The following ADAM32 variants were observed in gnomAD, a reference collection of about 807,000 sequenced individuals.
ADAM32 encodes the protein ADAM metallopeptidase domain 32.
A neutral mutation model predicts 114.9 loss-of-function variants in ADAM32; 89 were observed. The observed-to-expected ratio is 0.77, with a 90% CI of 0.65 to 0.92. The LOEUF is 0.92. Among genes scored for constraint, ADAM32 ranks in the 40% least tolerant of loss-of-function variants. The pLI is 0.00. For synonymous variants in ADAM32, 285 were observed against 307.5 expected (o/e 0.93, Z 0.77); for missense variants, 870 against 932.8 (o/e 0.93, Z 0.88).
intron 20 of ADAM32, among the ~76,000 whole-genome samples, chr8:39,272,101 G>GAA (rs11366445): frequency 1.6e-3 from 107 of 65,762 alleles, no homozygotes; most frequent in Middle Eastern, 8.3e-3. Flanking sequence ...GTGAGCTCCA[G>GAA]AAAAAAAAAA....
At chr8:39,207,332 A>G (rs767679732) in intron 11 of ADAM32, among the ~76,000 whole-genome samples, 1 of 152,118 alleles carries the variant, frequency 6.6e-6, no homozygotes, top group African/African-American at 2.4e-5. Flanking sequence ...GCCCCCTCCT[A>G]TTCCTGATAT....
chr8:39,214,170 C>T lies in ADAM32; in HGVS notation c.1233+2846C>T, dbSNP rs182194304. 3.7e-3 allele frequency among the ~76,000 whole-genome samples: 560 copies of T among 152,142 alleles called. 9 individuals carry two copies. The highest frequency in any genetic ancestry group is 0.012 in the African/African-American group (510 of 41,530). ...CATGGGCATGCAGATATCTCTTCGA[C>T]GTAATGATTTCCATTCTTTTGGGTA... On this transcript the variant is annotated intron_variant, in intron 12 of 24. Coordinates refer to ENST00000379907, the MANE Select transcript of ADAM32 (RefSeq NM_145004.7).
chr8:39,278,390 A>G (rs918474297), intron 22 of ADAM32, among the ~76,000 whole-genome samples: 1 of 152,166 alleles, frequency 6.6e-6, no homozygotes, highest in Non-Finnish European at 1.5e-5. Flanking sequence ...CGCTTTTGCC[A>G]GAGACCCACC....
At chr8:39,143,299 T>C (rs1180912298) in intron 3 of ADAM32, among the ~76,000 whole-genome samples, 1 of 152,222 alleles carries the variant, frequency 6.6e-6, no homozygotes, top group Non-Finnish European at 1.5e-5. Context: ...TCTGTTTTTT[T>C]GGAATTTTCA....
chr8:39,221,709 T>A lies in ADAM32; in HGVS notation c.1326+7T>A. ...GTGCTGCAAAGACTGTCAAGTAAGATTTAAGCTTATGAACATCTTTCAAAT... is the reference window on the plus strand; with the variant it reads ...GTGCTGCAAAGACTGTCAAGTAAGAATTAAGCTTATGAACATCTTTCAAAT... On this transcript the variant is annotated splice_region_variant and intron_variant, in intron 13 of 24. Transcript: ENST00000379907. 1 of 1,598,516 alleles carries A rather than the reference T, an allele frequency of 6.3e-7. No individual in the cohort carries two copies. Among genetic ancestry groups the A allele is most frequent in the South Asian group, 1.1e-5 (1 of 89,762 alleles).
In ADAM32 at chr8:39,232,042, C is replaced by T. The variant is rs1289948477; in HGVS notation, c.1541C>T (p.Pro514Leu). 1 of 1,610,882 alleles carries T rather than the reference C, an allele frequency of 6.2e-7. No individual in the cohort carries two copies. Among genetic ancestry groups the T allele is most frequent in the African/African-American group, 1.3e-5 (1 of 74,876 alleles). ...SVFGKGSRNA[P>L]FACYEEIQSQ... ...ACTTTAACAGGTTCAAGAAATGCTCCATTTGCCTGCTATGAAGAAATACAA... is the reference window on the plus strand; with the variant it reads ...ACTTTAACAGGTTCAAGAAATGCTCTATTTGCCTGCTATGAAGAAATACAA... Residue 514 changes from proline to leucine, a missense_variant, in exon 15 of 25, where the codon CCA (proline) becomes CTA (leucine). Pro to Leu is a moderately conservative substitution (Grantham distance 98). Coordinates refer to ENST00000379907, the MANE Select transcript of ADAM32 (RefSeq NM_145004.7).
At chr8:39,190,077 G>A (rs1257029238) in intron 11 of ADAM32, among the ~76,000 whole-genome samples, 4 of 152,110 alleles carry the variant, frequency 2.6e-5, no homozygotes, top group Non-Finnish European at 4.4e-5. Context: ...CTTGGCCTCC[G>A]AAAGTGTCTA....
intron 18 of ADAM32, among the ~76,000 whole-genome samples, chr8:39,255,455 T>G (rs1811597640): frequency 6.6e-6 from 1 of 152,168 alleles, no homozygotes; most frequent in Non-Finnish European, 1.5e-5. Context: ...ATTGTGGTTT[T>G]GATTTACATT....
chr8:39,220,554 T>C (rs917767216), intron 12 of ADAM32, among the ~76,000 whole-genome samples: 1 of 152,048 alleles, frequency 6.6e-6, no homozygotes, highest in African/African-American at 2.4e-5. Flanking sequence ...GCATTTATTC[T>C]TATAAACTAC....
At chr8:39,168,372 G>A (rs2129446350) in intron 9 of ADAM32, 1 of 152,316 alleles carries the variant, frequency 6.6e-6, no homozygotes, top group African/African-American at 2.4e-5. Context: ...GGCTCCAGAT[G>A]TTCCAGTAGA....
intron 3 of ADAM32, among the ~76,000 whole-genome samples, chr8:39,140,579 A>G (rs901110262): frequency 6.6e-6 from 1 of 152,210 alleles, no homozygotes; most frequent in Non-Finnish European, 1.5e-5. Context: ...GGATTTTCGC[A>G]TCGATGTTCA....
At chr8:39,228,494 A>G (rs1809538917) in intron 14 of ADAM32, among the ~76,000 whole-genome samples, 1 of 152,182 alleles carries the variant, frequency 6.6e-6, no homozygotes, top group Non-Finnish European at 1.5e-5. Flanking sequence ...AAACATAAAA[A>G]ATTCTGGGAA....
chr8:39,226,237 T>C (rs1809360655), intron 14 of ADAM32, among the ~76,000 whole-genome samples: 1 of 151,986 alleles, frequency 6.6e-6, no homozygotes, highest in South Asian at 2.1e-4. Flanking sequence ...ACAAACACTA[T>C]GGGATTTTGA....
At chr8:39,272,476 T>G (rs1812795280) in intron 20 of ADAM32, among the ~76,000 whole-genome samples, 2 of 152,240 alleles carry the variant, frequency 1.3e-5, no homozygotes, top group South Asian at 4.1e-4. Flanking sequence ...GGTTATATCC[T>G]ATAACCTTAT....
rs373931512 is a variant in ADAM32 at position 39,169,933 on chromosome 8, G to A, written c.851G>A (p.Arg284His). Residue 284 changes from arginine to histidine, a missense_variant, in exon 10 of 25, where the codon CGT becomes CAT. By Grantham distance (29) the Arg-to-His change is conservative (BLOSUM62 0). Coordinates refer to ENST00000379907, the MANE Select transcript of ADAM32 (RefSeq NM_145004.7). ...TTATTTAGTTATATGGATTATCCTC[G>A]TTATTTGGGAGCAGTGTTTCCTGGA... ...AYLLIYMDYP[R>H]YLGAVFPGTM... 4.6e-5 allele frequency: 73 copies of A among 1,595,708 alleles called. No homozygotes were observed. The highest frequency in any genetic ancestry group is 4.3e-4 in the East Asian group (19 of 44,538).
Position 39,246,097 on chromosome 8 carries a change from T to C in ADAM32, c.1833T>C (p.Arg611=). ...QCDIGRVCVN[R]ECVESRIIKA... ...TTTTTCTTTAGGTTTGTGTAAATCG[T>C]GAATGTGTAGAATCAAGGATAATTA... The change falls in exon 17 of 25, where the codon CGT becomes CGC. Residue 611 remains arginine (R), a synonymous_variant. Transcript: ENST00000379907. 1 of 1,613,554 alleles carries C rather than the reference T, an allele frequency of 6.2e-7. No homozygotes were observed. The highest frequency in any genetic ancestry group is 1.3e-5 in the African/African-American group (1 of 75,030).
At position 39,256,666 on chromosome 8, in the gene ADAM32, A is replaced by G. The variant is rs79451656; in HGVS notation, c.2006-521A>G. ...AGAATATGTTTAGGTCTATGTATCC[A>G]GTGATAGCAAGGGACAGAATTAGGA... On this transcript the variant is annotated intron_variant, in intron 18 of 24. Coordinates refer to ENST00000379907, the MANE Select transcript of ADAM32 (RefSeq NM_145004.7). Among the ~76,000 whole-genome samples the G allele has an allele frequency of 1.0e-3, 159 of 152,132 alleles. 3 individuals carry two copies. The East Asian group carries it at 0.029, about 27-fold the overall frequency.
At chr8:39,219,735 G>A (rs930729502) in intron 12 of ADAM32, among the ~76,000 whole-genome samples, 14 of 152,126 alleles carry the variant, frequency 9.2e-5, no homozygotes, top group Admixed American at 5.2e-4. Context: ...TAATTTCCAT[G>A]TAATTGTGTG....
chr8:39,196,872 A>G lies in ADAM32; in HGVS notation c.1052+9827A>G, dbSNP rs553434850. On this transcript the variant is annotated intron_variant, in intron 11 of 24. Coordinates refer to ENST00000379907, the MANE Select transcript of ADAM32 (RefSeq NM_145004.7). The stretch of plus-strand genomic sequence containing the variant: ...CCTCCCTCAAGACTGAGTTAGTGAG[A>G]ATTTCCTTTTCTTTGATGTTTTGGA... Among the ~76,000 whole-genome samples the G allele has an allele frequency of 2.6e-5, 4 of 152,014 alleles. No homozygotes were observed. The South Asian group carries it at 8.3e-4, about 32-fold the overall frequency.
Sources: gnomAD v4.1 joint callset for allele counts (sites outside exome capture counted in the v4.1 genomes callset) on GRCh38, gnomAD v4.1.1 for gene constraint, MANE v1.5 for transcripts, NCBI Gene and HGNC (gene_info 2026-07-23, HGNC 2026-07-21) for gene names.